Variants in BFSP1 observed in about 807,000 individuals in gnomAD.
BFSP1 encodes beaded filament structural protein 1.
BFSP1 carries 38 observed loss-of-function variants against 43.9 expected under a neutral mutation model. That is an observed-to-expected ratio of 0.87 (90% CI 0.67 to 1.14). BFSP1 has a LOEUF of 1.14. BFSP1 is among the 50% of genes most tolerant of loss of function. The pLI is 0.00. For synonymous variants in BFSP1, 352 were observed against 354.8 expected, an observed-to-expected ratio of 0.99 and a Z score of 0.09; for missense variants, 850 against 875.1, an observed-to-expected ratio of 0.97 and a Z score of 0.36.
upstream of BFSP1, among the ~76,000 whole-genome samples, chr20:17,562,526 C>CAAA (rs550158623): frequency 3.5e-4 from 17 of 48,010 alleles, no homozygotes; most frequent in East Asian, 6.1e-4. Flanking sequence ...GACTCTGTCT[C>CAAA]AAAAAAAAAA....
At chr20:17,550,775 C>G (rs1450483979) in intron 1 of BFSP1, among the ~76,000 whole-genome samples, 1 of 152,120 alleles carries the variant, frequency 6.6e-6, no homozygotes, top group Non-Finnish European at 1.5e-5. Flanking sequence ...ACCTGGCCAA[C>G]TACAATCATT....
At chr20:17,526,141 C>CGGGGGGGG (rs55674499) in intron 1 of BFSP1, among the ~76,000 whole-genome samples, 1 of 18,850 alleles carries the variant, frequency 5.3e-5, no homozygotes, top group Non-Finnish European at 1.0e-4. Context: ...TTCTGTATGG[C>CGGGGGGGG]GGGGGGGGGG....
At chr20:17,550,631 C>T (rs747531251) in intron 1 of BFSP1, among the ~76,000 whole-genome samples, 1 of 151,970 alleles carries the variant, frequency 6.6e-6, no homozygotes, top group Non-Finnish European at 1.5e-5. Flanking sequence ...CACCACCACA[C>T]CCGGCTAATT....
intron 6 of BFSP1, 58 bp from the exon 7 acceptor site, chr20:17,497,081 T>G: frequency 7.5e-7 from 1 of 1,328,694 alleles, no homozygotes; most frequent in African/African-American, 1.5e-5. Flanking sequence ...AGAGCGACTC[T>G]CGTTAATGTT....
chr20:17,555,694 C>T (rs1255073027), intron 1 of BFSP1, among the ~76,000 whole-genome samples: 1 of 152,062 alleles, frequency 6.6e-6, no homozygotes, highest in Non-Finnish European at 1.5e-5. Flanking sequence ...ATAAGAATTA[C>T]AGAAACATGC....
At chr20:17,508,534 C>T (rs746587577) in intron 5 of BFSP1, among the ~76,000 whole-genome samples, 5 of 152,166 alleles carry the variant, frequency 3.3e-5, no homozygotes, top group African/African-American at 1.2e-4. Context: ...CTTATTCTTA[C>T]GAAGCTTGAC....
intron 5 of BFSP1, 46 bp downstream of exon 5, chr20:17,508,843 A>T: frequency 6.8e-7 from 1 of 1,477,092 alleles, no homozygotes. Flanking sequence ...CACCTCCATG[A>T]AACATGTGGG....
intron 1 of BFSP1, among the ~76,000 whole-genome samples, chr20:17,526,551 G>C (rs766636379): frequency 6.6e-6 from 1 of 152,120 alleles, no homozygotes; most frequent in Admixed American, 6.5e-5. Flanking sequence ...ACCACATTTT[G>C]TTTACGTATT....
At chr20:17,496,880 G>A (rs1273187009) in intron 7 of BFSP1, 58 bp downstream of exon 7, 9 of 1,377,876 alleles carry the variant, frequency 6.5e-6, no homozygotes, top group Non-Finnish European at 7.8e-6. Context: ...CAGGAAGAGA[G>A]CCGCTTGGTT....
intron 1 of BFSP1, among the ~76,000 whole-genome samples, chr20:17,546,791 C>T (rs796802202): frequency 1.3e-4 from 19 of 151,830 alleles, no homozygotes; most frequent in African/African-American, 4.6e-4. Flanking sequence ...TTTGGGAGGC[C>T]GAGGTAGGTG....
chr20:17,540,045 C>T (rs915747474), intron 1 of BFSP1, among the ~76,000 whole-genome samples: 3 of 152,138 alleles, frequency 2.0e-5, no homozygotes, highest in African/African-American at 4.8e-5. Context: ...AGCCCCTCAA[C>T]GGCCCCTCAG....
intron 3 of BFSP1, among the ~76,000 whole-genome samples, chr20:17,513,255 C>T (rs2034128801): frequency 1.3e-5 from 2 of 152,272 alleles, no homozygotes; most frequent in Middle Eastern, 3.4e-3. Context: ...TCAGAGCCCT[C>T]CACTAAGACA....
intron 1 of BFSP1, among the ~76,000 whole-genome samples, chr20:17,566,320 T>G (rs2035119153): frequency 6.6e-6 from 1 of 152,212 alleles, no homozygotes; most frequent in African/African-American, 2.4e-5. Flanking sequence ...GTATCATTTC[T>G]TCTTCCCTGC....
At chr20:17,548,762 G>A (rs898733392) in intron 1 of BFSP1, among the ~76,000 whole-genome samples, 3 of 152,084 alleles carry the variant, frequency 2.0e-5, no homozygotes, top group African/African-American at 7.2e-5. Flanking sequence ...AAAGAAAACA[G>A]ATTCTTATAC....
At chr20:17,546,386 C>T (rs2034801418) in intron 1 of BFSP1, among the ~76,000 whole-genome samples, 1 of 152,192 alleles carries the variant, frequency 6.6e-6, no homozygotes, top group African/African-American at 2.4e-5. Flanking sequence ...CCTCTCTCAA[C>T]ATGTGGAAAT....
chr20:17,531,150 G>A lies in BFSP1; in HGVS notation c.180C>T (p.Ala60=). The A allele has an allele frequency of 1.3e-5, 17 of 1,306,444 alleles. No homozygotes were observed. Among genetic ancestry groups the A allele is most frequent in the Non-Finnish European group, 1.6e-5 (17 of 1,030,756 alleles). The allele number at this position is 1,306,444 out of a possible 1,614,324, so 80.9% of individuals were successfully genotyped here. The change falls in exon 1 of 8, where the codon GCC becomes GCT. Residue 60 remains alanine, a synonymous_variant. Transcript: ENST00000377873. ...RVAAHVQRAR[A]LEQRHAGLRR... Reference sequence around the variant, plus strand: ...GGAGCCCGGCATGGCGCTGCTCGAGGGCGCGGGCCCGCTGGACGTGGGCGG... The same window carrying A: ...GGAGCCCGGCATGGCGCTGCTCGAGAGCGCGGGCCCGCTGGACGTGGGCGG...
Position 17,531,375 on chromosome 20 carries a change from A to T in BFSP1, c.-46T>A. The T allele has an allele frequency of 3.1e-6, 4 of 1,303,358 alleles. No individual in the cohort carries two copies. The highest frequency in any genetic ancestry group is 3.9e-6 in the Non-Finnish European group (4 of 1,029,918). 80.7% of individuals were successfully genotyped at this position (1,303,358 alleles called of 1,614,324 possible). On this transcript the variant is annotated 5_prime_UTR_variant, in exon 1 of 8. Transcript: ENST00000377873. ...GCGGGCGGCGCCGAGCCGGCTCTCC[A>T]GGAGGCCCCCGGCGCAGCCCGCAGC...
In BFSP1 at chr20:17,494,622, A is replaced by G; in HGVS notation, c.1450T>C (p.Phe484Leu). Residue 484 changes from phenylalanine to leucine, a missense_variant, in exon 8 of 8, where the codon TTC becomes CTC. Phe to Leu is a conservative substitution (Grantham distance 22, BLOSUM62 0). Coordinates refer to ENST00000377873, the MANE Select transcript of BFSP1 (RefSeq NM_001195.5). ...TGDANYVDPR[F>L]YVSSITAKGG... ...TTAGCTGTGATGGAGGAGACATAGA[A>G]TCTAGGGTCCACGTAATTGGCATCC... 1 of 1,614,190 alleles carries G rather than the reference A, an allele frequency of 6.2e-7. No individual in the cohort carries two copies. The highest frequency in any genetic ancestry group is 8.5e-7 in the Non-Finnish European group (1 of 1,180,032).
chr20:17,515,652 C>T (rs547398052), intron 2 of BFSP1, among the ~76,000 whole-genome samples: 1 of 152,240 alleles, frequency 6.6e-6, no homozygotes, highest in East Asian at 1.9e-4. Flanking sequence ...TAAGATTGTG[C>T]TATGATGTCC....
Sources: gnomAD v4.1 joint callset for allele counts (sites outside exome capture counted in the v4.1 genomes callset) on GRCh38, gnomAD v4.1.1 for gene constraint, MANE v1.5 for transcripts, NCBI Gene and HGNC (gene_info 2026-07-23, HGNC 2026-07-21) for gene names.